Variants in DNAJC10 observed in about 807,000 individuals in gnomAD.
DNAJC10 encodes the protein DnaJ heat shock protein family (Hsp40) member C10, also known as endoplasmic reticulum disulfide reductase DNAJC10.
A neutral mutation model predicts 115.0 loss-of-function variants in DNAJC10; 101 were observed. The ratio of observed to expected loss-of-function variants is 0.88; its 90% CI spans 0.75 to 1.04. The LOEUF (loss-of-function observed/expected upper bound fraction) is 1.04, where lower values mean the gene tolerates loss of function less well. Ranked by LOEUF, DNAJC10 falls within the 50% of genes least tolerant of loss-of-function variation. DNAJC10 has a pLI of 0.00. For missense variants in DNAJC10, 981 were observed against 928.8 expected, an observed-to-expected ratio of 1.06 and a Z score of -0.73; for synonymous variants, 307 against 301.5, an observed-to-expected ratio of 1.02 and a Z score of -0.19.
At position 182,751,647 on chromosome 2, in the gene DNAJC10, C is replaced by T. The variant is rs766752624; in HGVS notation, c.1307-11C>T. The T allele has an allele frequency of 6.2e-7, 1 of 1,606,672 alleles. No individual in the cohort carries two copies. Among genetic ancestry groups the T allele is most frequent in the Non-Finnish European group, 8.5e-7 (1 of 1,178,148 alleles). Reference sequence around the variant, plus strand: ...AATTTGGATTTGAATTTCTCTCATTCACTTTGAAAGGAAAGAAGATTCTAT... The same window carrying T: ...AATTTGGATTTGAATTTCTCTCATTTACTTTGAAAGGAAAGAAGATTCTAT... On this transcript the variant is annotated splice_polypyrimidine_tract_variant and intron_variant, in intron 14 of 23. Coordinates refer to ENST00000264065, the MANE Select transcript of DNAJC10 (RefSeq NM_018981.4).
chr2:182,752,165 G>A lies in DNAJC10; in HGVS notation c.1528G>A (p.Val510Ile). The A allele has an allele frequency of 6.3e-7, 1 of 1,577,976 alleles. No homozygotes were observed. The highest frequency in any genetic ancestry group is 8.6e-7 in the Non-Finnish European group (1 of 1,157,134). Residue 510 changes from valine to isoleucine, a missense_variant, in exon 16 of 24, where the codon GTT becomes ATT. By Grantham distance (29) the Val-to-Ile change is conservative. Transcript: ENST00000264065. ...QLKFGTLDCTVHEGLCNMYNI... is the reference protein window; with the variant it reads ...QLKFGTLDCTIHEGLCNMYNI... ...TAAGTTTGGTACACTAGATTGTACAGTTCATGAGGGACTCTGTAACATGGT... is the reference window on the plus strand; with the variant it reads ...TAAGTTTGGTACACTAGATTGTACAATTCATGAGGGACTCTGTAACATGGT...
intron 12 of DNAJC10, 28 bp downstream of exon 12, chr2:182,740,416 A>G (rs750085074): frequency 2.6e-6 from 4 of 1,542,020 alleles, no homozygotes; most frequent in African/African-American, 1.4e-5. Context: ...AATGATAAGT[A>G]GCAATGAATG....
At chr2:182,738,569 CTTG>C (rs1049751719) in intron 11 of DNAJC10, among the ~76,000 whole-genome samples, 1 of 151,518 alleles carries the variant, frequency 6.6e-6, no homozygotes, top group Non-Finnish European at 1.5e-5. Context: ...GAGACGGAGT[CTTG>C]TTCTGTCGCC....
intron 5 of DNAJC10, among the ~76,000 whole-genome samples, chr2:182,723,284 G>A (rs771394025): frequency 2.0e-5 from 3 of 152,018 alleles, no homozygotes; most frequent in East Asian, 1.9e-4. Context: ...GACCTCAGGC[G>A]ATCCACCCAC....
At position 182,777,267 on chromosome 2, in the gene DNAJC10, T is replaced by C; in HGVS notation, c.*135T>C. ...ACTTGCAGTTGTACTGCCAGAATTA[T>C]CTACAGCACTGGTGTAAAAGAAGGG... On this transcript the variant is annotated 3_prime_UTR_variant, in exon 24 of 24. Coordinates refer to ENST00000264065, the MANE Select transcript of DNAJC10 (RefSeq NM_018981.4). 2.0e-6 allele frequency: 1 copy of C among 507,248 alleles called. No homozygotes were observed. Among genetic ancestry groups the C allele is most frequent in the African/African-American group, 2.0e-5 (1 of 50,758 alleles). 31.4% of individuals were successfully genotyped at this position (507,248 alleles called of 1,614,324 possible). A position where few individuals can be genotyped will look rare whatever the true frequency, so the allele number is the denominator to read the frequency against.
At chr2:182,730,957 A>T in intron 8 of DNAJC10, 73 bp from the exon 9 acceptor site, 1 of 1,007,618 alleles carries the variant, frequency 9.9e-7, no homozygotes, top group Non-Finnish European at 1.5e-6. Context: ...AGGAAAAATT[A>T]CTTAGAAGAC....
chr2:182,765,491 TTG>T (rs1457360874), intron 22 of DNAJC10, among the ~76,000 whole-genome samples: 1 of 152,164 alleles, frequency 6.6e-6, no homozygotes, highest in Admixed American at 6.6e-5. Context: ...ACATCCATGT[TTG>T]TCTTACTTTC....
rs1694958230 is a variant in DNAJC10 at position 182,786,957 on chromosome 2, C to T, written c.*9825C>T. 6.6e-6 allele frequency: 1 copy of T among 152,172 alleles called. No homozygotes were observed. Among genetic ancestry groups the T allele is most frequent in the Admixed American group, 6.5e-5 (1 of 15,272 alleles). The allele number at this position is 152,172 out of a possible 1,614,324, so 9.4% of individuals were successfully genotyped here. A position where few individuals can be genotyped will look rare whatever the true frequency, so the allele number is the denominator to read the frequency against. ...AGAGACCCCAGTATCTTGCTCGTCC[C>T]TTCTGCCATGGGAGAACACGGTGAG... is the stretch of plus-strand genomic sequence containing the variant. On this transcript the variant is annotated 3_prime_UTR_variant, in exon 24 of 24. Coordinates refer to ENST00000264065, the MANE Select transcript of DNAJC10 (RefSeq NM_018981.4).
rs766712420 is a variant in DNAJC10 at position 182,724,225 on chromosome 2, CT to C, written c.418+2158del. Among the ~76,000 whole-genome samples, 75 of 151,974 alleles carry C rather than the reference CT, an allele frequency of 4.9e-4. 1 individual carries two copies. The highest frequency in any genetic ancestry group is 7.4e-4 in the Non-Finnish European group (50 of 67,924). On this transcript the variant is annotated intron_variant, in intron 5 of 23. Transcript: ENST00000264065. ...AAATCACTTTATTTGAAAAGATTGA[CT>C]TTTTTTTAACAATTCAAAACATTAA...
intron 7 of DNAJC10, 176 bp downstream of exon 7, chr2:182,729,170 A>G (rs542732052): frequency 1.6e-6 from 1 of 610,854 alleles, no homozygotes. Context: ...TTTTTTTGAG[A>G]TGGAGTCTCA....
intron 14 of DNAJC10, 57 bp from the exon 15 acceptor site, chr2:182,751,601 C>T: frequency 6.4e-7 from 1 of 1,569,306 alleles, no homozygotes; most frequent in Admixed American, 1.8e-5. Context: ...TTTGAAATGT[C>T]TCTGTGCATA....
intron 11 of DNAJC10, 141 bp from the exon 12 acceptor site, chr2:182,740,157 GA>G: frequency 8.6e-7 from 1 of 1,161,632 alleles, no homozygotes; most frequent in Non-Finnish European, 1.1e-6. Context: ...TTTGAAAAAA[GA>G]CATTTGGAAT....
chr2:182,736,955 G>T (rs1428297500), intron 11 of DNAJC10, among the ~76,000 whole-genome samples: 1 of 152,090 alleles, frequency 6.6e-6, no homozygotes, highest in African/African-American at 2.4e-5. Context: ...TCGCCATGTT[G>T]GCCAGGCTGG....
chr2:182,735,183 C>T (rs1239101675), intron 10 of DNAJC10, among the ~76,000 whole-genome samples: 1 of 151,374 alleles, frequency 6.6e-6, no homozygotes, highest in African/African-American at 2.4e-5. Flanking sequence ...TCTTTGGTTA[C>T]CTGTCCTTTT....
In DNAJC10 at chr2:182,783,148, T is replaced by G. The variant is rs1303360336; in HGVS notation, c.*6016T>G. 4 of 152,330 alleles carry G rather than the reference T, an allele frequency of 2.6e-5. No individual in the cohort carries two copies. The East Asian group carries it at 7.7e-4, about 29-fold the overall frequency. 9.4% of individuals were successfully genotyped at this position (152,330 alleles called of 1,614,324 possible). The stretch of plus-strand genomic sequence containing the variant: ...AATTTTATCGAAGGCCTTTTCTGCA[T>G]CTATTGAGATAATCATGTTTTTGTC... On this transcript the variant is annotated 3_prime_UTR_variant, in exon 24 of 24. Coordinates refer to ENST00000264065, the MANE Select transcript of DNAJC10 (RefSeq NM_018981.4).
At chr2:182,748,126 G>C (rs541123889) in intron 14 of DNAJC10, among the ~76,000 whole-genome samples, 1 of 146,326 alleles carries the variant, frequency 6.8e-6, no homozygotes, top group Non-Finnish European at 1.5e-5. Context: ...GCTGGATTCA[G>C]TTTGCCAGTA....
intron 20 of DNAJC10, 118 bp from the exon 21 acceptor site, chr2:182,759,042 T>C: frequency 9.5e-7 from 1 of 1,047,298 alleles, no homozygotes; most frequent in Non-Finnish European, 1.4e-6. Context: ...TACTGTACTT[T>C]ATTACATTGC....
intron 5 of DNAJC10, among the ~76,000 whole-genome samples, chr2:182,723,410 T>G (rs1693204934): frequency 6.6e-6 from 1 of 152,204 alleles, no homozygotes; most frequent in African/African-American, 2.4e-5. Context: ...AAATAGCTGT[T>G]CAATGTGTTA....
At chr2:182,741,683 C>A (rs892814783) in intron 13 of DNAJC10, among the ~76,000 whole-genome samples, 3 of 151,956 alleles carry the variant, frequency 2.0e-5, no homozygotes, top group Non-Finnish European at 4.4e-5. Flanking sequence ...GTTTAAAAAT[C>A]AGGACAATAA....
Sources: allele counts gnomAD v4.1 joint callset (sites outside exome capture counted in the v4.1 genomes callset), GRCh38; gene constraint gnomAD v4.1.1; transcripts MANE v1.5; gene names NCBI Gene and HGNC (gene_info 2026-07-23, HGNC 2026-07-21).